SHISAL1: variants seen among roughly 807,000 people sequenced by gnomAD.
The protein encoded by SHISAL1 is protein shisa-like-1.
A neutral mutation model predicts 22.6 loss-of-function variants in SHISAL1; 9 were observed. The observed-to-expected ratio is 0.40, with a 90% confidence interval of 0.24 to 0.70. The LOEUF (loss-of-function observed/expected upper bound fraction) is 0.70, where lower values mean the gene tolerates loss of function less well. Ranked by LOEUF, SHISAL1 falls within the 30% of genes least tolerant of loss-of-function variation. SHISAL1 has a pLI of 0.39. For missense variants in SHISAL1, 246 were observed against 270.6 expected (o/e 0.91, Z 0.64); for synonymous variants, 119 against 115.4 (o/e 1.03, Z -0.20).
Position 44,249,583 on chromosome 22 carries a change from C to T in SHISAL1, c.*102G>A. The T allele has an allele frequency of 1.3e-6, 1 of 754,512 alleles. No homozygotes were observed. Among genetic ancestry groups the T allele is most frequent in the Admixed American group, 1.9e-5 (1 of 53,080 alleles). The allele number at this position is 754,512 out of a possible 1,614,324, so 46.7% of individuals were successfully genotyped here. On this transcript the variant is annotated 3_prime_UTR_variant, in exon 5 of 5. Coordinates refer to ENST00000381176, the MANE Select transcript of SHISAL1 (RefSeq NM_001099294.2). Reference sequence around the variant, plus strand: ...TTTCCTCCTGTGCCACCGCCGCTACCTCGGCTGTCCCTGGCATCTCTGTAG... The same window carrying T: ...TTTCCTCCTGTGCCACCGCCGCTACTTCGGCTGTCCCTGGCATCTCTGTAG...
At chr22:44,269,583 C>T (rs1277061436) in intron 4 of SHISAL1, among the ~76,000 whole-genome samples, 1 of 113,960 alleles carries the variant, frequency 8.8e-6, no homozygotes, top group African/African-American at 2.8e-5. Context: ...ATGCCAGATA[C>T]CACACCATAC....
chr22:44,275,393 G>A (rs1229181749), intron 4 of SHISAL1, among the ~76,000 whole-genome samples: 3 of 152,214 alleles, frequency 2.0e-5, no homozygotes, highest in Non-Finnish European at 4.4e-5. Flanking sequence ...GGCCGACGGC[G>A]GATCAGAAGC....
the SHISAL1 span, among the ~76,000 whole-genome samples, chr22:44,327,934 A>G: frequency 1.3e-5 from 2 of 152,126 alleles, no homozygotes; most frequent in Non-Finnish European, 2.9e-5. Flanking sequence ...AACTTCTGAA[A>G]GAGCAGCTGG....
chr22:44,281,434 G>GTA (rs1334218802), intron 4 of SHISAL1, among the ~76,000 whole-genome samples: 2 of 151,898 alleles, frequency 1.3e-5, no homozygotes, highest in African/African-American at 4.9e-5. Context: ...GTGTGAGTGT[G>GTA]TATGTGTGTG....
rs559127588 is a variant in SHISAL1, at chr22:44,282,001, G to A, written c.599+3427C>T. 3.3e-5 allele frequency among the ~76,000 whole-genome samples: 5 copies of A among 152,346 alleles called. No individual in the cohort carries two copies. In the East Asian group the frequency reaches 7.7e-4, roughly 24 times the overall value. On this transcript the variant is annotated intron_variant, in intron 4 of 4. Transcript: ENST00000381176. ...CTGGCAGGAAAATCACATTTCTTAT[G>A]ATTGATGGAGTGCGTGTCTGTGGGG...
chr22:44,287,345 C>T (rs376056502), intron 3 of SHISAL1, among the ~76,000 whole-genome samples: 14 of 152,338 alleles, frequency 9.2e-5, no homozygotes, highest in Middle Eastern at 3.4e-3. Context: ...AGCTCGCTTT[C>T]GCTCTCTGCC....
At chr22:44,278,552 T>G (rs370942738) in intron 4 of SHISAL1, among the ~76,000 whole-genome samples, 1 of 152,178 alleles carries the variant, frequency 6.6e-6, no homozygotes, top group Non-Finnish European at 1.5e-5. Context: ...GGAAAAAGAA[T>G]AGCAACATGA....
At chr22:44,257,034 T>C (rs1455482915) in intron 4 of SHISAL1, among the ~76,000 whole-genome samples, 1 of 152,230 alleles carries the variant, frequency 6.6e-6, no homozygotes, top group Non-Finnish European at 1.5e-5. Context: ...TCTGCATTCC[T>C]TCACTTGCCA....
chr22:44,258,882 G>A (rs2055102406), intron 4 of SHISAL1, among the ~76,000 whole-genome samples: 1 of 152,150 alleles, frequency 6.6e-6, no homozygotes, highest in Admixed American at 6.5e-5. Context: ...GGTGGATGGA[G>A]TAGGCGTGGA....
Position 44,297,887 on chromosome 22 carries a change from G to C in SHISAL1, c.68-1002C>G, listed in dbSNP as rs141130167. The stretch of plus-strand genomic sequence containing the variant: ...GGCTTTGCAGGAGTTCCTCCAGCTC[G>C]TTGAAAGCTCTGTGTCTGCTGAGAG... On this transcript the variant is annotated intron_variant, in intron 2 of 4. Coordinates refer to ENST00000381176, the MANE Select transcript of SHISAL1 (RefSeq NM_001099294.2). Among the ~76,000 whole-genome samples, 433 of 152,310 alleles carry C rather than the reference G, an allele frequency of 2.8e-3. 2 individuals are homozygous for C. The highest frequency in any genetic ancestry group is 0.01 in the African/African-American group (422 of 41,568).
intron 4 of SHISAL1, among the ~76,000 whole-genome samples, chr22:44,281,979 G>A (rs1482889407): frequency 1.3e-5 from 2 of 152,212 alleles, no homozygotes; most frequent in Non-Finnish European, 2.9e-5. Context: ...CAGCCAGCTG[G>A]CAGGAAAATC....
the SHISAL1 span, among the ~76,000 whole-genome samples, chr22:44,324,341 C>T: frequency 6.6e-6 from 1 of 152,184 alleles, no homozygotes; most frequent in Non-Finnish European, 1.5e-5. Context: ...GGGTAAGAAA[C>T]ACCGCCACTG....
chr22:44,319,371 C>T, the SHISAL1 span, among the ~76,000 whole-genome samples: 1 of 152,342 alleles, frequency 6.6e-6, no homozygotes, highest in Non-Finnish European at 1.5e-5. Context: ...GGTTGGGTTT[C>T]CAAGTCAAAG....
chr22:44,313,838 AGGC>A (rs1337307981), upstream of SHISAL1, among the ~76,000 whole-genome samples: 5 of 152,334 alleles, frequency 3.3e-5, no homozygotes, highest in African/African-American at 1.2e-4. Context: ...ATCCTGAGCC[AGGC>A]CAGAAATAAA....
At chr22:44,296,603 G>T in intron 3 of SHISAL1, 69 bp downstream of exon 3, 2 of 1,459,296 alleles carry the variant, frequency 1.4e-6, no homozygotes, top group Non-Finnish European at 9.6e-7. Context: ...TAGGGGACGC[G>T]ATTTTGGGAG....
chr22:44,294,889 T>C (rs569768601), intron 3 of SHISAL1, among the ~76,000 whole-genome samples: 2 of 152,246 alleles, frequency 1.3e-5, no homozygotes, highest in African/African-American at 4.8e-5. Flanking sequence ...AAATGCAAAA[T>C]ATATGTCTAA....
At chr22:44,318,150 G>T in the SHISAL1 span, among the ~76,000 whole-genome samples, 1 of 152,272 alleles carries the variant, frequency 6.6e-6, no homozygotes, top group Non-Finnish European at 1.5e-5. Flanking sequence ...TATCCCGAGA[G>T]TCCTCTCTGC....
At chr22:44,297,748 G>A (rs928611903) in intron 2 of SHISAL1, among the ~76,000 whole-genome samples, 1 of 152,240 alleles carries the variant, frequency 6.6e-6, no homozygotes, top group Non-Finnish European at 1.5e-5. Context: ...AAAACCTAAA[G>A]CCCGCTCTCT....
rs1042211887 is a variant in SHISAL1, at chr22:44,249,731, A to T, written c.*-46T>A. On this transcript the variant is annotated intron_variant, in intron 4 of 4. Coordinates refer to ENST00000381176, the MANE Select transcript of SHISAL1 (RefSeq NM_001099294.2). The stretch of plus-strand genomic sequence containing the variant: ...AAAAGTATCACATGGTGTCTCCTCC[A>T]TGGGGACATTTCTCTCTGGCCTCAG... The T allele has an allele frequency of 1.2e-5, 9 of 778,202 alleles. No individual in the cohort carries two copies. In the African/African-American group the frequency reaches 1.2e-4, roughly 10 times the overall value. 48.2% of individuals were successfully genotyped at this position (778,202 alleles called of 1,614,324 possible). A position where few individuals can be genotyped will look rare whatever the true frequency, so the allele number is the denominator to read the frequency against.
Sources: gnomAD v4.1 joint callset for allele counts (sites outside exome capture counted in the v4.1 genomes callset) on GRCh38, gnomAD v4.1.1 for gene constraint, MANE v1.5 for transcripts, NCBI Gene and HGNC (gene_info 2026-07-23, HGNC 2026-07-21) for gene names.